LPCAT2: variants seen among roughly 807,000 people sequenced by gnomAD.
LPCAT2 encodes the protein 1-AGP acyltransferase 11.
A neutral mutation model predicts 64.7 loss-of-function variants in LPCAT2; 58 were observed. The ratio of observed to expected loss-of-function variants is 0.90; its 90% confidence interval spans 0.73 to 1.12. The LOEUF (loss-of-function observed/expected upper bound fraction) is 1.12. Among genes scored for constraint, LPCAT2 ranks in the 50% most tolerant of loss-of-function variants. LPCAT2 has a pLI of 0.00. For missense variants in LPCAT2, 579 were observed against 669.8 expected (o/e 0.86, Z 1.50); for synonymous variants, 252 against 245.3 (o/e 1.03, Z -0.26).
intron 11 of LPCAT2, among the ~76,000 whole-genome samples, chr16:55,560,654 T>G (rs1963625929): frequency 6.6e-6 from 1 of 152,088 alleles, no homozygotes; most frequent in Non-Finnish European, 1.5e-5. Flanking sequence ...CCTTTGGGTA[T>G]CAAATTGCCC....
rs1299536432 is a variant in LPCAT2, at chr16:55,509,352, G to A, written c.171G>A (p.Gln57=). 1.4e-6 allele frequency: 2 copies of A among 1,439,286 alleles called. No homozygotes were observed. The highest frequency in any genetic ancestry group is 1.5e-5 in the South Asian group (1 of 66,588). The allele number at this position is 1,439,286 out of a possible 1,614,324, so 89.2% of individuals were successfully genotyped here. The change falls in exon 1 of 14, where the codon CAG becomes CAA. Residue 57 remains glutamine (Q), a splice_region_variant and synonymous_variant. Coordinates refer to ENST00000262134, the MANE Select transcript of LPCAT2 (RefSeq NM_017839.5). ...QTQIGSARRV[Q]IVLLGIILLP... ...AGATCGGCTCCGCGAGGCGGGTCCA[G>A]GTGAGGGGCGTGGGTCTGAGGGGAG...
intron 8 of LPCAT2, among the ~76,000 whole-genome samples, chr16:55,544,186 G>C (rs891168767): frequency 1.3e-5 from 2 of 152,070 alleles, no homozygotes; most frequent in East Asian, 3.9e-4. Flanking sequence ...AGATACCAAT[G>C]CTTACAGTTT....
In LPCAT2 at chr16:55,525,568, T is replaced by A. The variant is rs1366822791; in HGVS notation, c.232T>A (p.Leu78Ile). 4 of 1,612,312 alleles carry A rather than the reference T, an allele frequency of 2.5e-6. No individual in the cohort carries two copies. The highest frequency in any genetic ancestry group is 1.3e-5 in the African/African-American group (1 of 74,832). The change falls in exon 2 of 14, where the codon TTA (leucine) becomes ATA (isoleucine). Residue 78 changes from leucine to isoleucine, a missense_variant. Coordinates refer to ENST00000262134, the MANE Select transcript of LPCAT2 (RefSeq NM_017839.5). The part of the protein sequence containing the change: ...IRVLLVALIL[L>I]LAWPFAAIST... ...TGTCTTATTGGTTGCGTTAATTTTA[T>A]TACTTGCATGGCCATTTGCTGCAAT...
chr16:55,521,556 A>G (rs1259678698), intron 1 of LPCAT2, among the ~76,000 whole-genome samples: 1 of 151,758 alleles, frequency 6.6e-6, no homozygotes, highest in Non-Finnish European at 1.5e-5. Context: ...ATTCCTCATG[A>G]TCATAGCTAA....
Position 55,531,970 on chromosome 16 carries a change from AC to A in LPCAT2, c.701del (p.Pro234GlnfsTer24). 1 of 1,574,138 alleles carries A rather than the reference AC, an allele frequency of 6.4e-7. No individual in the cohort carries two copies. The highest frequency in any genetic ancestry group is 8.7e-7 in the Non-Finnish European group (1 of 1,144,854). On this transcript the variant is annotated frameshift_variant, in exon 5 of 14. Coordinates refer to ENST00000262134, the MANE Select transcript of LPCAT2 (RefSeq NM_017839.5). LOFTEE classifies it high-confidence loss of function. ...ATCGTTCCTGTTTGATTACTTTTAA[AC>A]CAGGTGAGAAAAATTAAATTATGTA... ...TNRSCLITFK[P>X]GAFIPGVPVQ...
chr16:55,577,535 A>T (rs778521955), intron 12 of LPCAT2, among the ~76,000 whole-genome samples: 33 of 152,048 alleles, frequency 2.2e-4, no homozygotes, highest in Middle Eastern at 3.2e-3. Context: ...CTACCATAAG[A>T]CTATTGTGAG....
chr16:55,546,963 A>G (rs1284475077), intron 9 of LPCAT2, among the ~76,000 whole-genome samples: 2 of 152,124 alleles, frequency 1.3e-5, no homozygotes, highest in African/African-American at 2.4e-5. Context: ...CCTGGCCAAC[A>G]TGGTGAAACC....
intron 2 of LPCAT2, among the ~76,000 whole-genome samples, chr16:55,527,087 G>T (rs1403956203): frequency 2.6e-5 from 4 of 152,104 alleles, no homozygotes; most frequent in African/African-American, 9.7e-5. Flanking sequence ...AGAAAGGGAG[G>T]TACAGTTTCT....
At chr16:55,538,679 C>CAAAAAAAAAAA (rs3040226) in intron 8 of LPCAT2, 1 of 90,872 alleles carries the variant, frequency 1.1e-5, no homozygotes. Flanking sequence ...TCACTGTGGC[C>CAAAAAAAAAAA]AAAAAAAAAA....
intron 11 of LPCAT2, among the ~76,000 whole-genome samples, chr16:55,565,783 G>C (rs1296319040): frequency 6.6e-6 from 1 of 151,958 alleles, no homozygotes; most frequent in Non-Finnish European, 1.5e-5. Context: ...TGGTGGTGAT[G>C]GTTTCACAAT....
chr16:55,543,742 G>T (rs190101426), intron 8 of LPCAT2, among the ~76,000 whole-genome samples: 39 of 152,244 alleles, frequency 2.6e-4, no homozygotes, highest in African/African-American at 9.1e-4. Context: ...CAATGGGAAG[G>T]ACTTCAGAGA....
chr16:55,584,718 G>A lies in LPCAT2; in HGVS notation c.*1620G>A, dbSNP rs894809259. On this transcript the variant is annotated 3_prime_UTR_variant, in exon 14 of 14. Transcript: ENST00000262134. ...TGTTGAAGTATGTATTTAATCAAGA[G>A]TCATGATTTCAAACTAGTTTTACAT... 1.3e-5 allele frequency: 2 copies of A among 152,226 alleles called. No homozygotes were observed. Among genetic ancestry groups the A allele is most frequent in the South Asian group, 4.2e-4 (2 of 4,814 alleles). 9.4% of individuals were successfully genotyped at this position (152,226 alleles called of 1,614,324 possible). A position where few individuals can be genotyped will look rare whatever the true frequency, so the allele number is the denominator to read the frequency against.
rs1428843423 is a variant in LPCAT2 at position 55,509,162 on chromosome 16, G to A, written c.-20G>A. 7.5e-7 allele frequency: 1 copy of A among 1,325,702 alleles called. No individual in the cohort carries two copies. Among genetic ancestry groups the A allele is most frequent in the Non-Finnish European group, 9.7e-7 (1 of 1,033,380 alleles). The allele number at this position is 1,325,702 out of a possible 1,614,324, so 82.1% of individuals were successfully genotyped here. A position where few individuals can be genotyped will look rare whatever the true frequency, so the allele number is the denominator to read the frequency against. ...CGCCCGCGTAGATCGCTTCGGCCGG[G>A]TTCTACGCCCGGCTCAACTATGAGC... On this transcript the variant is annotated 5_prime_UTR_variant, in exon 1 of 14. Transcript: ENST00000262134.
intron 10 of LPCAT2, among the ~76,000 whole-genome samples, chr16:55,550,166 A>G (rs16955400): frequency 0.016 from 2,399 of 152,324 alleles, 59 homozygotes; most frequent in African/African-American, 0.051. Flanking sequence ...TTTTGTTTGC[A>G]TATTATAGTT....
At chr16:55,523,857 T>C (rs1963132559) in intron 1 of LPCAT2, among the ~76,000 whole-genome samples, 1 of 151,790 alleles carries the variant, frequency 6.6e-6, no homozygotes, top group Admixed American at 6.6e-5. Flanking sequence ...GGGTATGCAT[T>C]TGAAAAACTC....
chr16:55,568,350 A>C (rs1963731319), intron 11 of LPCAT2, among the ~76,000 whole-genome samples: 2 of 152,254 alleles, frequency 1.3e-5, no homozygotes, highest in Non-Finnish European at 2.9e-5. Context: ...GTCCTGCCTT[A>C]GAGCAAGGAA....
At chr16:55,534,180 A>G (rs1963293949) in intron 6 of LPCAT2, among the ~76,000 whole-genome samples, 1 of 152,174 alleles carries the variant, frequency 6.6e-6, no homozygotes, top group African/African-American at 2.4e-5. Context: ...GTGGCTAAGC[A>G]TGTAAAATAG....
chr16:55,511,325 T>G (rs1223897292), intron 1 of LPCAT2, among the ~76,000 whole-genome samples: 1 of 152,196 alleles, frequency 6.6e-6, no homozygotes, highest in African/African-American at 2.4e-5. Context: ...TACAAGAGGT[T>G]TCAGTGGCTT....
intron 8 of LPCAT2, chr16:55,539,749 T>C (rs1410326635): frequency 6.6e-6 from 1 of 152,158 alleles, no homozygotes; most frequent in East Asian, 1.9e-4. Flanking sequence ...TCAGTACATT[T>C]AGTTGCTCCA....
Sources: gnomAD v4.1 joint callset for allele counts (sites outside exome capture counted in the v4.1 genomes callset) on GRCh38, gnomAD v4.1.1 for gene constraint, MANE v1.5 for transcripts, NCBI Gene and HGNC (gene_info 2026-07-23, HGNC 2026-07-21) for gene names.